The following ARHGEF10L variants were observed in gnomAD, a reference collection of about 807,000 sequenced individuals.
ARHGEF10L encodes rho guanine nucleotide exchange factor 10-like protein.
ARHGEF10L carries 69 observed loss-of-function variants against 141.2 expected under a neutral mutation model. The observed-to-expected ratio is 0.49, with a 90% confidence interval of 0.40 to 0.60. The LOEUF is 0.60. ARHGEF10L is among the 20% of genes least tolerant of loss of function. The probability of loss-of-function intolerance (pLI) is 0.00; values close to 1 mark genes in which losing one functional copy is unlikely to be tolerated. For synonymous variants in ARHGEF10L, 711 were observed against 718.5 expected (o/e 0.99, Z 0.17); for missense variants, 1,482 against 1,734.3 (o/e 0.85, Z 2.58).
chr1:17,621,881 C>T lies in ARHGEF10L; in HGVS notation c.960C>T (p.Ile320=). 6.2e-7 allele frequency: 1 copy of T among 1,614,162 alleles called. No individual in the cohort carries two copies. The highest frequency in any genetic ancestry group is 8.5e-7 in the Non-Finnish European group (1 of 1,180,022). The change falls in exon 11 of 29, where the codon ATC becomes ATT. Residue 320 remains isoleucine (I), a synonymous_variant. Coordinates refer to ENST00000361221, the MANE Select transcript of ARHGEF10L (RefSeq NM_018125.4). This position sits in a 1 kb window ranked among gnomAD's most constrained non-coding sequence, Gnocchi z 4.1. ...CCGAGCAGGTGGTCCGGAGGCATAT[C>T]CTGGGCTCCATCGTGCAGAGCGAAG... is the stretch of plus-strand genomic sequence containing the variant. ...LSPQQVVRRH[I]LGSIVQSEGS... is the part of the protein sequence containing the mutation.
chr1:17,557,965 A>G (rs781463530), intron 1 of ARHGEF10L, among the ~76,000 whole-genome samples: 9 of 152,068 alleles, frequency 5.9e-5, no homozygotes, highest in Non-Finnish European at 1.3e-4. Flanking sequence ...GTGTCCTCTG[A>G]CCACTACTTA....
intron 3 of ARHGEF10L, among the ~76,000 whole-genome samples, chr1:17,588,239 C>T (rs564657195): frequency 0.011 from 278 of 25,570 alleles, no homozygotes; most frequent in African/African-American, 0.039. Flanking sequence ...AAGTGGGCCA[C>T]GGGGTGGGTG....
chr1:17,634,503 C>G (rs774594261), intron 16 of ARHGEF10L, 45 bp from the exon 17 acceptor site: 2 of 1,614,192 alleles, frequency 1.2e-6, no homozygotes, highest in South Asian at 1.1e-5. Flanking sequence ...ATTAGCCACT[C>G]CATTGTAATA....
At chr1:17,535,774 T>C (rs1279417920), upstream of ARHGEF10L, among the ~76,000 whole-genome samples, 1 of 152,232 alleles carries the variant, frequency 6.6e-6, no homozygotes, top group African/African-American at 2.4e-5. Context: ...CCAGAAATCC[T>C]TTTTGTTCCT....
rs1360754680 is a variant in ARHGEF10L at position 17,607,548 on chromosome 1, G to T, written c.434-254G>T. 2.6e-5 allele frequency among the ~76,000 whole-genome samples: 4 copies of T among 152,252 alleles called. No homozygotes were observed. The highest frequency in any genetic ancestry group is 5.9e-5 in the Non-Finnish European group (4 of 68,052). ...AAAGCAGTGCTGGGAGCAAAAGGAAGTGAGCGGGCTTGTGCACGTCTGACC... is the reference window on the plus strand; with the variant it reads ...AAAGCAGTGCTGGGAGCAAAAGGAATTGAGCGGGCTTGTGCACGTCTGACC... On this transcript the variant is annotated intron_variant, in intron 6 of 28. Transcript: ENST00000361221. The surrounding 1 kb of genome is among the most constrained non-coding windows in gnomAD (Gnocchi z 4.5).
chr1:17,600,991 A>C (rs936958912), intron 4 of ARHGEF10L, among the ~76,000 whole-genome samples: 6 of 147,194 alleles, frequency 4.1e-5, no homozygotes, highest in South Asian at 4.6e-4. Context: ...CAGAGGTTGC[A>C]GTGAGCCGAG....
At chr1:17,554,092 C>T (rs184934854) in intron 1 of ARHGEF10L, among the ~76,000 whole-genome samples, 7 of 152,318 alleles carry the variant, frequency 4.6e-5, no homozygotes, top group Admixed American at 2.0e-4. Flanking sequence ...GGCCTCTCTA[C>T]CTCACGTCCC....
Position 17,648,668 on chromosome 1 carries a change from G to A in ARHGEF10L, c.2387G>A (p.Ser796Asn). 1 of 1,612,530 alleles carries A rather than the reference G, an allele frequency of 6.2e-7. No homozygotes were observed. Among genetic ancestry groups the A allele is most frequent in the Non-Finnish European group, 8.5e-7 (1 of 1,179,958 alleles). Reference protein sequence around the residue: ...CIPAFSSRALSLQLGALVHSP... With the variant: ...CIPAFSSRALNLQLGALVHSP... ...CCTGCCTTCTCCTCCCGGGCACTCA[G>A]CCTGCAGGTGAGTGGAGCGGATCTT... Residue 796 changes from serine (S) to asparagine (N), a missense_variant, in exon 22 of 29, where the codon AGC (serine) becomes AAC (asparagine). This residue lies in a region of ARHGEF10L where 858 missense variants were observed against 966.3 expected (regional missense o/e 0.89). Coordinates refer to ENST00000361221, the MANE Select transcript of ARHGEF10L (RefSeq NM_018125.4).
chr1:17,514,881 G>T, the ARHGEF10L span, among the ~76,000 whole-genome samples: 6 of 152,178 alleles, frequency 3.9e-5, no homozygotes, highest in South Asian at 1.2e-3. Flanking sequence ...CCCCAGCTGC[G>T]GCCTCTGAGC....
At chr1:17,631,112 T>C (rs1347724813) in intron 15 of ARHGEF10L, among the ~76,000 whole-genome samples, 2 of 149,024 alleles carry the variant, frequency 1.3e-5, no homozygotes, top group Admixed American at 6.7e-5. Context: ...TTTTTCTCTT[T>C]GGGGAGGCTC....
chr1:17,540,910 G>A (rs1258258119), intron 1 of ARHGEF10L, among the ~76,000 whole-genome samples: 1 of 152,174 alleles, frequency 6.6e-6, no homozygotes, highest in Admixed American at 6.5e-5. Flanking sequence ...AGAATGCATA[G>A]CTCTTCCCAG....
Position 17,580,604 on chromosome 1 carries a change from C to T in ARHGEF10L, c.9C>T (p.Ser3=), listed in dbSNP as rs1435041823. The change falls in exon 2 of 29, where the codon TCC becomes TCT. Residue 3 remains serine (S), a synonymous_variant. Coordinates refer to ENST00000361221, the MANE Select transcript of ARHGEF10L (RefSeq NM_018125.4). ...GAGCTGGACCTTGTCTGATGGCTTCCTCCAACCCTCCTCCACAGCCTGCCA... is the reference window on the plus strand; with the variant it reads ...GAGCTGGACCTTGTCTGATGGCTTCTTCCAACCCTCCTCCACAGCCTGCCA... MA[S]SNPPPQPAIG... 1.2e-6 allele frequency: 2 copies of T among 1,614,060 alleles called. No individual in the cohort carries two copies. The highest frequency in any genetic ancestry group is 1.1e-5 in the South Asian group (1 of 91,088).
At chr1:17,694,815 C>A (rs2065368075) in intron 27 of ARHGEF10L, 2 of 444,722 alleles carry the variant, frequency 4.5e-6, no homozygotes, top group African/African-American at 4.0e-5. Context: ...ATGGATTGCC[C>A]TTGGACAACC....
chr1:17,546,012 C>T (rs1191955937), intron 1 of ARHGEF10L, among the ~76,000 whole-genome samples: 1 of 152,178 alleles, frequency 6.6e-6, no homozygotes, highest in East Asian at 1.9e-4. Context: ...CAAAAGTCTG[C>T]AGGGCTTGAA....
intron 26 of ARHGEF10L, among the ~76,000 whole-genome samples, chr1:17,667,510 G>GC (rs1473510527): frequency 2.6e-5 from 4 of 152,256 alleles, no homozygotes; most frequent in African/African-American, 9.6e-5. Flanking sequence ...CAGGCCCTCA[G>GC]CCCCCTGTTG....
chr1:17,691,760 A>C (rs905390), intron 27 of ARHGEF10L, among the ~76,000 whole-genome samples: 119,370 of 151,880 alleles, frequency 0.79, 47,595 homozygotes, highest in South Asian at 0.89. Context: ...AAATTGAGCA[A>C]GGCAGGTTTG....
the ARHGEF10L span, among the ~76,000 whole-genome samples, chr1:17,527,786 T>G: frequency 2.0e-5 from 3 of 152,010 alleles, no homozygotes; most frequent in East Asian, 5.8e-4. Context: ...TTCCGACCTA[T>G]TCACTGAGGG....
chr1:17,668,731 G>A (rs538771589), intron 26 of ARHGEF10L, among the ~76,000 whole-genome samples: 5 of 152,350 alleles, frequency 3.3e-5, no homozygotes, highest in Admixed American at 2.0e-4. Flanking sequence ...GTTTCTGTTC[G>A]CTGCGCGGTG....
intron 4 of ARHGEF10L, among the ~76,000 whole-genome samples, chr1:17,595,220 CTTTTTTTTTT>C (rs58475060): frequency 2.8e-5 from 3 of 106,114 alleles, no homozygotes; most frequent in East Asian, 5.2e-4. Context: ...CGTGGCTCAC[CTTTTTTTTTT>C]TTTTTTTTTT....
Sources: gnomAD v4.1 joint callset for allele counts (sites outside exome capture counted in the v4.1 genomes callset) on GRCh38, gnomAD v4.1.1 for gene constraint, gnomAD v4.1.1 regional missense constraint, Gnocchi (gnomAD v3.1) non-coding constraint, MANE v1.5 for transcripts, NCBI Gene and HGNC (gene_info 2026-07-23, HGNC 2026-07-21) for gene names.